KANK1: variants seen among roughly 807,000 people sequenced by gnomAD.
The protein encoded by KANK1 is KN motif and ankyrin repeat domains 1.
A neutral mutation model predicts 106.2 loss-of-function variants in KANK1; 109 were observed. That is an observed-to-expected ratio of 1.03 (90% CI 0.88 to 1.20). KANK1 has a LOEUF of 1.20. Ranked by LOEUF, KANK1 falls within the 50% of genes most tolerant of loss-of-function variation. KANK1 has a pLI of 0.00. For missense variants in KANK1, 2,399 were observed against 1,710.7 expected (o/e 1.40, Z -7.10); for synonymous variants, 873 against 652.2 (o/e 1.34, Z -5.16).
chr9:477,538 T>A (rs7027188), intron 3 of KANK1, among the ~76,000 whole-genome samples: 12,252 of 152,234 alleles, frequency 0.08, 1,718 homozygotes, highest in African/African-American at 0.28. Context: ...GTGTTTTTCC[T>A]TTCCAAACCA....
At chr9:741,528 C>T (rs376251419) in intron 9 of KANK1, among the ~76,000 whole-genome samples, 68 of 149,576 alleles carry the variant, frequency 4.5e-4, no homozygotes, top group African/African-American at 1.6e-3. Context: ...CATTCTGTCA[C>T]CCAGGCTGGA....
intron 3 of KANK1, among the ~76,000 whole-genome samples, chr9:490,723 A>C (rs2058363884): frequency 6.6e-6 from 1 of 152,230 alleles, no homozygotes; most frequent in African/African-American, 2.4e-5. Flanking sequence ...TGTTTACTTC[A>C]TTGCTCATTC....
chr9:740,312 A>G (rs901225979), intron 8 of KANK1, among the ~76,000 whole-genome samples: 3 of 152,172 alleles, frequency 2.0e-5, no homozygotes, highest in Admixed American at 6.5e-5. Context: ...GACAGGCCAG[A>G]GTAGTAAATT....
intron 2 of KANK1, among the ~76,000 whole-genome samples, chr9:703,035 A>G (rs564062013): frequency 6.6e-6 from 1 of 152,054 alleles, no homozygotes; most frequent in Non-Finnish European, 1.5e-5. Context: ...TCTGTTGCCC[A>G]GGCTGGAATG....
At chr9:542,758 G>C (rs1212372421) in intron 1 of KANK1, among the ~76,000 whole-genome samples, 1 of 152,190 alleles carries the variant, frequency 6.6e-6, no homozygotes, top group East Asian at 1.9e-4. Flanking sequence ...CAGCAATATA[G>C]ATGAACCTAT....
chr9:714,662 A>G (rs190019311), intron 3 of KANK1, among the ~76,000 whole-genome samples: 1 of 152,180 alleles, frequency 6.6e-6, no homozygotes, highest in African/African-American at 2.4e-5. Context: ...CTGGCCCGAT[A>G]GGCGCTTACA....
chr9:478,782 T>G (rs1355067348), intron 3 of KANK1, among the ~76,000 whole-genome samples: 1 of 152,190 alleles, frequency 6.6e-6, no homozygotes, highest in Admixed American at 6.5e-5. Context: ...GTGGAGCCAA[T>G]GAGTAAGATT....
At chr9:656,024 G>A (rs746136906) in intron 1 of KANK1, among the ~76,000 whole-genome samples, 4 of 152,162 alleles carry the variant, frequency 2.6e-5, no homozygotes, top group Non-Finnish European at 2.9e-5. Context: ...GAGGCTGAAA[G>A]TTTAGTAATG....
intron 1 of KANK1, among the ~76,000 whole-genome samples, chr9:638,879 A>G (rs1837744193): frequency 6.6e-6 from 1 of 152,234 alleles, no homozygotes; most frequent in Admixed American, 6.5e-5. Context: ...ATAAAAGGGC[A>G]TCAGCAATGT....
intron 3 of KANK1, among the ~76,000 whole-genome samples, chr9:722,733 G>T (rs1360333634): frequency 6.6e-6 from 1 of 152,158 alleles, no homozygotes; most frequent in East Asian, 1.9e-4. Flanking sequence ...ATTTAATGAG[G>T]TTCTTTTCCT....
chr9:732,576 G>A lies in KANK1; in HGVS notation c.3204G>A (p.Gln1068=), dbSNP rs762991305. Residue 1068 remains glutamine, a synonymous_variant, in exon 6 of 12, where the codon CAG becomes CAA. Transcript: ENST00000382297. ...LKSARVEDEM[Q]VQECEPEKVE... The stretch of plus-strand genomic sequence containing the variant: ...CTGCCAGGGTGGAAGATGAAATGCA[G>A]GTTCAAGAATGTGAACCTGAGAAGG... 1 of 1,614,114 alleles carries A rather than the reference G, an allele frequency of 6.2e-7. No homozygotes were observed. The highest frequency in any genetic ancestry group is 8.5e-7 in the Non-Finnish European group (1 of 1,180,026).
chr9:541,300 A>T (rs1410903258), intron 1 of KANK1, among the ~76,000 whole-genome samples: 1 of 152,198 alleles, frequency 6.6e-6, no homozygotes. Flanking sequence ...GCTCTTTGAC[A>T]AAGTTGCCAA....
At chr9:589,809 C>G (rs1231120094) in intron 1 of KANK1, among the ~76,000 whole-genome samples, 1 of 152,100 alleles carries the variant, frequency 6.6e-6, no homozygotes, top group Non-Finnish European at 1.5e-5. Flanking sequence ...GAAAGGGAAA[C>G]CATTTAGAGT....
intron 1 of KANK1, among the ~76,000 whole-genome samples, chr9:588,737 C>T (rs568181050): frequency 5.7e-4 from 87 of 152,190 alleles, no homozygotes; most frequent in African/African-American, 2.0e-3. Context: ...GGATAGGGCA[C>T]GGACTGTAGA....
At chr9:574,205 C>T (rs1563793163) in intron 1 of KANK1, among the ~76,000 whole-genome samples, 1 of 152,232 alleles carries the variant, frequency 6.6e-6, no homozygotes, top group Non-Finnish European at 1.5e-5. Context: ...AAGCTCTGTA[C>T]CTGTAACATT....
rs753168223 is a variant in KANK1, at chr9:712,018, G to A, written c.1252G>A (p.Gly418Ser). The stretch of plus-strand genomic sequence containing the variant: ...GAACGACATCGTCGTGTACCACAGA[G>A]GCTCCAGGTCCTGTAAGGATGCAGC... ...NMNDIVVYHR[G>S]SRSCKDAAVG... The change falls in exon 3 of 12, where the codon GGC (glycine) becomes AGC (serine). Residue 418 changes from glycine (G) to serine (S), a missense_variant. Transcript: ENST00000382297. The A allele has an allele frequency of 2.5e-6, 4 of 1,614,158 alleles. No individual in the cohort carries two copies.
At chr9:589,738 G>T (rs1364671407) in intron 1 of KANK1, among the ~76,000 whole-genome samples, 1 of 152,168 alleles carries the variant, frequency 6.6e-6, no homozygotes, top group African/African-American at 2.4e-5. Context: ...CCTGAATGAA[G>T]AAAGAAGGAA....
intron 10 of KANK1, among the ~76,000 whole-genome samples, chr9:744,070 C>T (rs180844457): frequency 9.9e-5 from 15 of 152,202 alleles, no homozygotes; most frequent in African/African-American, 1.7e-4. Context: ...AGCCTTAAAC[C>T]GAGGTGGTTT....
intron 1 of KANK1, among the ~76,000 whole-genome samples, chr9:526,446 C>G (rs72705681): frequency 0.051 from 7,705 of 151,766 alleles, 285 homozygotes; most frequent in South Asian, 0.089. Flanking sequence ...GGTGTGGTGG[C>G]TCGTGCCTGT....
Sources: allele counts gnomAD v4.1 joint callset (sites outside exome capture counted in the v4.1 genomes callset), GRCh38; gene constraint gnomAD v4.1.1; transcripts MANE v1.5; gene names NCBI Gene and HGNC (gene_info 2026-07-23, HGNC 2026-07-21).